NRP2: variants seen among roughly 807,000 people sequenced by gnomAD.
The protein encoded by NRP2 is neuropilin 2.
Under a neutral mutation model 110.4 loss-of-function variants are expected in NRP2, and 52 were observed. The ratio of observed to expected loss-of-function variants is 0.47; its 90% confidence interval spans 0.38 to 0.59. NRP2 has a LOEUF of 0.59. NRP2 is among the 20% of genes least tolerant of loss of function. The probability of loss-of-function intolerance (pLI) is 0.00; values close to 1 mark genes in which losing one functional copy is unlikely to be tolerated. For synonymous variants in NRP2, 508 were observed against 468.9 expected (o/e 1.08, Z -1.08); for missense variants, 1,049 against 1,203.0 (o/e 0.87, Z 1.89).
chr2:205,787,718 CTGTG>C (rs60558986), intron 15 of NRP2, among the ~76,000 whole-genome samples: 11,807 of 143,514 alleles, frequency 0.082, 601 homozygotes, highest in East Asian at 0.22. Context: ...AAAAAAGTGT[CTGTG>C]TGTGTGTGTG....
At chr2:205,715,135 T>C (rs1396530640) in intron 2 of NRP2, among the ~76,000 whole-genome samples, 1 of 152,034 alleles carries the variant, frequency 6.6e-6, no homozygotes, top group African/African-American at 2.4e-5. Flanking sequence ...TGGGAGGAAG[T>C]TTCCCACCTA....
chr2:205,776,249 G>A, intron 15 of NRP2: 1 of 1,612,402 alleles, frequency 6.2e-7, no homozygotes, highest in Non-Finnish European at 8.5e-7. Context: ...CCACCAGGGG[G>A]CACCCTCCTG....
chr2:205,703,061 T>TG (rs1255470564), intron 2 of NRP2, among the ~76,000 whole-genome samples: 15 of 152,230 alleles, frequency 9.9e-5, no homozygotes, highest in Admixed American at 9.8e-4. Context: ...TAAACTCCCA[T>TG]GGCGCCTAGT....
At chr2:205,736,242 T>G (rs1175943815) in intron 7 of NRP2, among the ~76,000 whole-genome samples, 2 of 152,148 alleles carry the variant, frequency 1.3e-5, no homozygotes, top group African/African-American at 4.8e-5. Context: ...CTAGGGAGGC[T>G]GAGGCAGGAG....
At position 205,714,610 on chromosome 2, in the gene NRP2, C is replaced by T. The variant is rs3771042; in HGVS notation, c.252-1583C>T. Among the ~76,000 whole-genome samples, 895 of 152,332 alleles carry T rather than the reference C, an allele frequency of 5.9e-3. 34 individuals carry two copies. Among genetic ancestry groups the T allele is most frequent in the Admixed American group, 0.045 (696 of 15,304 alleles). Reference sequence around the variant, plus strand: ...GTCAGCACCATCTCCCACACTGAAACCACAGACCTAAACAGATTCCCCAAC... The same window carrying T: ...GTCAGCACCATCTCCCACACTGAAATCACAGACCTAAACAGATTCCCCAAC... On this transcript the variant is annotated intron_variant, in intron 2 of 16. Transcript: ENST00000357785.
rs560189800 is a variant in NRP2, at chr2:205,749,975, G to T, written c.1903+134G>T. The T allele has an allele frequency of 6.8e-6, 5 of 732,148 alleles. No individual in the cohort carries two copies. The East Asian group carries it at 1.1e-4, about 16-fold the overall frequency. The allele number at this position is 732,148 out of a possible 1,614,324, so 45.4% of individuals were successfully genotyped here. A position where few individuals can be genotyped will look rare whatever the true frequency, so the allele number is the denominator to read the frequency against. On this transcript the variant is annotated intron_variant, in intron 11 of 16. Coordinates refer to ENST00000357785, the MANE Select transcript of NRP2 (RefSeq NM_003872.3). ...TCTCAAAGAAGTGGTAAGAGAGGTG[G>T]GGGCACTTAGGGGTTTGGGGCAGTG...
intron 3 of NRP2, among the ~76,000 whole-genome samples, chr2:205,721,364 A>G (rs756239832): frequency 1.3e-5 from 2 of 152,168 alleles, no homozygotes; most frequent in Admixed American, 1.3e-4. Flanking sequence ...TTCTTTTAAA[A>G]TCTGAACATA....
intron 12 of NRP2, among the ~76,000 whole-genome samples, chr2:205,761,220 G>A (rs369340188): frequency 9.9e-5 from 15 of 152,178 alleles, no homozygotes; most frequent in Middle Eastern, 3.4e-3. Flanking sequence ...TTCTTTAACC[G>A]TGTATTTATC....
chr2:205,749,921 G>T (rs895763800), intron 11 of NRP2, 80 bp downstream of exon 11: 6 of 1,126,706 alleles, frequency 5.3e-6, no homozygotes, highest in African/African-American at 1.5e-5. Context: ...CAGGGACCTA[G>T]TGGTCCCCCA....
chr2:205,727,202 G>A (rs1222628325), intron 6 of NRP2, among the ~76,000 whole-genome samples: 2 of 152,164 alleles, frequency 1.3e-5, no homozygotes, highest in Non-Finnish European at 2.9e-5. Context: ...GCTACATTTT[G>A]GTCATATGGA....
At chr2:205,685,577 T>C (rs1215462786) in intron 1 of NRP2, among the ~76,000 whole-genome samples, 1 of 152,158 alleles carries the variant, frequency 6.6e-6, no homozygotes, top group Non-Finnish European at 1.5e-5. Flanking sequence ...GCGCGGCACC[T>C]TGGGCTGGCG....
chr2:205,732,584 T>C (rs939421733), intron 7 of NRP2, among the ~76,000 whole-genome samples: 2 of 152,226 alleles, frequency 1.3e-5, no homozygotes, highest in African/African-American at 4.8e-5. Context: ...TTGAGATCTG[T>C]AGATGGAAGG....
At chr2:205,761,613 A>G (rs1186260443) in intron 12 of NRP2, 2 of 152,270 alleles carry the variant, frequency 1.3e-5, no homozygotes, top group Non-Finnish European at 2.9e-5. Context: ...GTGGAGAATT[A>G]CAGCTAAGAG....
intron 12 of NRP2, among the ~76,000 whole-genome samples, chr2:205,757,382 T>TA (rs1451872202): frequency 6.6e-6 from 1 of 152,130 alleles, no homozygotes; most frequent in Non-Finnish European, 1.5e-5. Flanking sequence ...GACTGAGCCA[T>TA]TGAATGAATT....
intron 7 of NRP2, among the ~76,000 whole-genome samples, chr2:205,730,512 G>A (rs2057217351): frequency 6.6e-6 from 1 of 152,148 alleles, no homozygotes; most frequent in Non-Finnish European, 1.5e-5. Context: ...GTGAAATTCA[G>A]ACAACAGGAG....
intron 2 of NRP2, 82 bp from the exon 3 acceptor site, chr2:205,716,109 TAG>T (rs2056888882): frequency 1.4e-6 from 2 of 1,407,432 alleles, no homozygotes; most frequent in African/African-American, 1.4e-5. Flanking sequence ...TGCAAATGAA[TAG>T]AGAGACATAA....
chr2:205,757,960 C>T (rs1300020948), intron 12 of NRP2, among the ~76,000 whole-genome samples: 1 of 150,190 alleles, frequency 6.7e-6, no homozygotes, highest in East Asian at 2.0e-4. Flanking sequence ...GGATTGATAA[C>T]GAAGGGGCAG....
At chr2:205,740,031 G>GTATCATTAAAAA in intron 7 of NRP2, 1 of 260,436 alleles carries the variant, frequency 3.8e-6, no homozygotes. Flanking sequence ...TCATGGGTGG[G>GTATCATTAAAAA]ATGGCATCAA....
Position 205,722,549 on chromosome 2 carries a change from T to C in NRP2, c.505T>C (p.Tyr169His). The change falls in exon 4 of 17, where the codon TAT (tyrosine) becomes CAT (histidine). Residue 169 changes from tyrosine to histidine, a missense_variant. Coordinates refer to ENST00000357785, the MANE Select transcript of NRP2 (RefSeq NM_003872.3). ...TIESPGFPEK[Y>H]PHNLDCTFTI... ...CGAATCTCCTGGGTTTCCTGAGAAG[T>C]ATCCACACAACTTGGACTGCACCTT... The C allele has an allele frequency of 6.2e-7, 1 of 1,614,212 alleles. No individual in the cohort carries two copies.
Sources: allele counts gnomAD v4.1 joint callset (sites outside exome capture counted in the v4.1 genomes callset), GRCh38; gene constraint gnomAD v4.1.1; transcripts MANE v1.5; gene names NCBI Gene and HGNC (gene_info 2026-07-23, HGNC 2026-07-21).